The following NPRL2 variants were observed in gnomAD, a reference collection of about 807,000 sequenced individuals.
NPRL2 encodes the protein NPR2 like, GATOR1 complex subunit, also known as GATOR1 complex protein NPRL2.
Under a neutral mutation model 51.1 loss-of-function variants are expected in NPRL2, and 21 were observed. The ratio of observed to expected loss-of-function variants is 0.41; its 90% CI spans 0.29 to 0.59. The LOEUF is 0.59. NPRL2 is among the 20% of genes least tolerant of loss of function. The probability of loss-of-function intolerance (pLI) is 0.29; values close to 1 mark genes in which losing one functional copy is unlikely to be tolerated. For synonymous variants in NPRL2, 175 were observed against 187.8 expected, an observed-to-expected ratio of 0.93 and a Z score of 0.56; for missense variants, 376 against 483.4, an observed-to-expected ratio of 0.78 and a Z score of 2.08.
rs1323048757 is a variant in NPRL2 at position 50,348,203 on chromosome 3, A to G, written c.853T>C (p.Tyr285His). Residue 285 changes from tyrosine (Y) to histidine (H), a missense_variant, in exon 9 of 11, where the codon TAC (tyrosine) becomes CAC (histidine). Physicochemically the swap from Tyr to His is moderately conservative, Grantham distance 83 (BLOSUM62 2). Coordinates refer to ENST00000232501, the MANE Select transcript of NPRL2 (RefSeq NM_006545.5). The surrounding 1 kb of genome is among the most constrained non-coding windows in gnomAD (Gnocchi z 5.8). Reference sequence around the variant, plus strand: ...GTAGTGCCAGGGCTCAGGCTGCAGTATAGCTGGAACACATCCCGGAGACTG... The same window carrying G: ...GTAGTGCCAGGGCTCAGGCTGCAGTGTAGCTGGAACACATCCCGGAGACTG... ...RASLRDVFQL[Y>H]CSLSPGTTVR... The G allele has an allele frequency of 3.7e-6, 6 of 1,614,004 alleles. No individual in the cohort carries two copies. Among genetic ancestry groups the G allele is most frequent in the Admixed American group, 1.7e-5 (1 of 60,028 alleles).
In NPRL2 at chr3:50,350,713, C is replaced by T. The variant is rs1027706705; in HGVS notation, c.-61G>A. On this transcript the variant is annotated 5_prime_UTR_variant, in exon 1 of 11. Coordinates refer to ENST00000232501, the MANE Select transcript of NPRL2 (RefSeq NM_006545.5). The surrounding 1 kb of genome is among the most constrained non-coding windows in gnomAD (Gnocchi z 5.7). ...CCTCGCGCAGAGGCGTCCCCACCTC[C>T]TGTGAACACTTGTCAGAGACAGCCT... The T allele has an allele frequency of 2.6e-6, 4 of 1,549,432 alleles. No individual in the cohort carries two copies. The highest frequency in any genetic ancestry group is 3.9e-5 in the Admixed American group (2 of 51,536).
At position 50,347,501 on chromosome 3, in the gene NPRL2, G is replaced by C; in HGVS notation, c.*105C>G. On this transcript the variant is annotated 3_prime_UTR_variant, in exon 11 of 11. Transcript: ENST00000232501. ...CACTCAATAAAGGCTGTTTGAAATG[G>C]ATGTCTTTATTTACAGAACTAAGAG... The C allele has an allele frequency of 2.1e-6, 3 of 1,420,806 alleles. No homozygotes were observed. Among genetic ancestry groups the C allele is most frequent in the Non-Finnish European group, 3.0e-6 (3 of 1,011,224 alleles). The allele number at this position is 1,420,806 out of a possible 1,614,324, so 88.0% of individuals were successfully genotyped here.
Position 50,347,546 on chromosome 3 carries a change from AC to A in NPRL2, c.*59del, listed in dbSNP as rs34963734. 0.04 allele frequency: 64,567 copies of A among 1,596,450 alleles called. 12,239 individuals are homozygous for A. In the East Asian group the frequency reaches 0.54, roughly 13 times the overall value. ...TAAGAGTCAACCTCTAGACAGTATG[AC>A]AAGCCTCCTAGTAGGAGGGACTACC... On this transcript the variant is annotated 3_prime_UTR_variant, in exon 11 of 11. Transcript: ENST00000232501.
rs760049174 is a variant in NPRL2, at chr3:50,347,667, C to T, written c.1082G>A (p.Ser361Asn). The change falls in exon 11 of 11, where the codon AGC becomes AAC. Residue 361 changes from serine to asparagine, a missense_variant. Ser to Asn is a conservative substitution (Grantham distance 46). Coordinates refer to ENST00000232501, the MANE Select transcript of NPRL2 (RefSeq NM_006545.5). ...AAGCCGCTCATCCAGCTCATGGTAG[C>T]TCATGCCTGGGTGGGGTGGTGGAGG... ...YDEICCKTGM[S>N]YHELDERLEN... The T allele has an allele frequency of 4.7e-5, 76 of 1,613,978 alleles. No individual in the cohort carries two copies. Among genetic ancestry groups the T allele is most frequent in the Non-Finnish European group, 5.9e-5 (70 of 1,180,056 alleles).
At chr3:50,347,992 T>C in intron 9 of NPRL2, 91 bp from the exon 10 acceptor site, 1 of 1,599,540 alleles carries the variant, frequency 6.3e-7, no homozygotes, top group Non-Finnish European at 8.5e-7. Context: ...TTCAATTTTG[T>C]CTCTGTAGCC....
In NPRL2 at chr3:50,349,727, C is replaced by A; in HGVS notation, c.277G>T (p.Ala93Ser). Residue 93 changes from alanine (A) to serine (S), a missense_variant, in exon 3 of 11, where the codon GCC becomes TCC. By Grantham distance (99) the Ala-to-Ser change is moderately conservative. Coordinates refer to ENST00000232501, the MANE Select transcript of NPRL2 (RefSeq NM_006545.5). The surrounding 1 kb of genome is among the most constrained non-coding windows in gnomAD (Gnocchi z 4.6). ...ATGGGCTCGAGGGCGCAGGTCTTGG[C>A]CTGGGCATCACACACGAAGCCCAGG... is the stretch of plus-strand genomic sequence containing the variant. ...FNLGFVCDAQAKTCALEPIVK... is the reference protein window; with the variant it reads ...FNLGFVCDAQSKTCALEPIVK... 1 of 1,613,942 alleles carries A rather than the reference C, an allele frequency of 6.2e-7. No individual in the cohort carries two copies. The highest frequency in any genetic ancestry group is 8.5e-7 in the Non-Finnish European group (1 of 1,179,982).
rs938208371 is a variant in NPRL2, at chr3:50,349,529, C to T, written c.340-35G>A. 1 of 1,612,766 alleles carries T rather than the reference C, an allele frequency of 6.2e-7. No homozygotes were observed. Among genetic ancestry groups the T allele is most frequent in the Non-Finnish European group, 8.5e-7 (1 of 1,179,040 alleles). On this transcript the variant is annotated intron_variant, in intron 3 of 10. Coordinates refer to ENST00000232501, the MANE Select transcript of NPRL2 (RefSeq NM_006545.5). The surrounding 1 kb of genome is among the most constrained non-coding windows in gnomAD (Gnocchi z 4.6). ...GCATGGAAAGCATGGTGGGCACATC[C>T]CAGGACCCCTGGCTGGTTGGCTGCC...
Position 50,348,704 on chromosome 3 carries a change from T to C in NPRL2, c.664A>G (p.Ile222Val). The change falls in exon 6 of 11, where the codon ATT becomes GTT. Residue 222 changes from isoleucine (I) to valine (V), a missense_variant. Ile to Val is a conservative substitution (Grantham distance 29). Coordinates refer to ENST00000232501, the MANE Select transcript of NPRL2 (RefSeq NM_006545.5). The surrounding 1 kb of genome is among the most constrained non-coding windows in gnomAD (Gnocchi z 5.8). The part of the protein sequence containing the change: ...EADVELNLVR[I>V]AIQNLLYYGV... Reference sequence around the variant, plus strand: ...ACTCACAGCAGGTTCTGGATAGCAATGCGCACCAGGTTGAGCTCCACATCT... The same window carrying C: ...ACTCACAGCAGGTTCTGGATAGCAACGCGCACCAGGTTGAGCTCCACATCT... The C allele has an allele frequency of 6.2e-7, 1 of 1,614,012 alleles. No homozygotes were observed.
Position 50,347,397 on chromosome 3 carries a change from C to T in NPRL2, c.*209G>A. Reference sequence around the variant, plus strand: ...TTTTATTTGTCGATTGTCGGTCCTGCCCACCAGATGGCGATCTAGCCCACG... The same window carrying T: ...TTTTATTTGTCGATTGTCGGTCCTGTCCACCAGATGGCGATCTAGCCCACG... On this transcript the variant is annotated 3_prime_UTR_variant, in exon 11 of 11. Transcript: ENST00000232501. 1 of 385,214 alleles carries T rather than the reference C, an allele frequency of 2.6e-6. No individual in the cohort carries two copies. 23.9% of individuals were successfully genotyped at this position (385,214 alleles called of 1,614,324 possible).
Position 50,350,664 on chromosome 3 carries a change from G to A in NPRL2, c.-12C>T, listed in dbSNP as rs891226161. ...CAGCCGCTGCCCATGGCAATAACCG[G>A]GCCCAGGCCCGTAGCTCCTCGTTCC... On this transcript the variant is annotated 5_prime_UTR_variant, in exon 1 of 11. Transcript: ENST00000232501. The surrounding 1 kb of genome is among the most constrained non-coding windows in gnomAD (Gnocchi z 5.7). 1.9e-6 allele frequency: 3 copies of A among 1,598,444 alleles called. No individual in the cohort carries two copies. Among genetic ancestry groups the A allele is most frequent in the Admixed American group, 1.7e-5 (1 of 58,490 alleles).
In NPRL2 at chr3:50,349,232, A is replaced by G; in HGVS notation, c.448+154T>C. Reference sequence around the variant, plus strand: ...TCCCCCTACCCCCAGTCCCAGCTCCATCATGCATTGGACCCTGGACATGGG... The same window carrying G: ...TCCCCCTACCCCCAGTCCCAGCTCCGTCATGCATTGGACCCTGGACATGGG... On this transcript the variant is annotated intron_variant, in intron 4 of 10. Coordinates refer to ENST00000232501, the MANE Select transcript of NPRL2 (RefSeq NM_006545.5). The surrounding 1 kb of genome is among the most constrained non-coding windows in gnomAD (Gnocchi z 4.6). 3.6e-6 allele frequency: 3 copies of G among 833,736 alleles called. No homozygotes were observed. The highest frequency in any genetic ancestry group is 5.7e-6 in the Non-Finnish European group (3 of 526,244). 51.6% of individuals were successfully genotyped at this position (833,736 alleles called of 1,614,324 possible).
Position 50,349,408 on chromosome 3 carries a change from T to C in NPRL2, c.426A>G (p.Ser142=). 1 of 1,613,632 alleles carries C rather than the reference T, an allele frequency of 6.2e-7. No individual in the cohort carries two copies. The highest frequency in any genetic ancestry group is 1.1e-5 in the South Asian group (1 of 91,084). The change falls in exon 4 of 11, where the codon TCA becomes TCG. Residue 142 remains serine (S), a synonymous_variant. Coordinates refer to ENST00000232501, the MANE Select transcript of NPRL2 (RefSeq NM_006545.5). The surrounding 1 kb of genome is among the most constrained non-coding windows in gnomAD (Gnocchi z 4.6). The part of the protein sequence containing the change: ...MTILLEELNA[S]GRCTLPIDES... ...TACCAATGGGCAGAGTGCACCGGCC[T>C]GAGGCATTTAGCTCCTCCAGCAAGA...
chr3:50,347,852 T>C lies in NPRL2; in HGVS notation c.982A>G (p.Lys328Glu). ...TCCCGAGTCACCCGCACAGGATACT[T>C]CTGTAGTCGCCTGATGAGGTTCTTC... ...LMKNLIRRLQ[K>E]YPVRVTREEQ... is the part of the protein sequence containing the mutation. The change falls in exon 10 of 11, where the codon AAG becomes GAG. Residue 328 changes from lysine to glutamate, a missense_variant. Transcript: ENST00000232501. 1 of 1,614,042 alleles carries C rather than the reference T, an allele frequency of 6.2e-7. No individual in the cohort carries two copies. The highest frequency in any genetic ancestry group is 1.3e-5 in the African/African-American group (1 of 75,050).
Position 50,350,127 on chromosome 3 carries a change from G to A in NPRL2, c.79-105C>T. ...CCAAGCCCAAGTCCTCTTCTCCAGCGTTCCCCTCTCTCCCATCCACTCAGG... is the reference window on the plus strand; with the variant it reads ...CCAAGCCCAAGTCCTCTTCTCCAGCATTCCCCTCTCTCCCATCCACTCAGG... On this transcript the variant is annotated intron_variant, in intron 1 of 10. Transcript: ENST00000232501. The surrounding 1 kb of genome is among the most constrained non-coding windows in gnomAD (Gnocchi z 5.7). 3 of 881,044 alleles carry A rather than the reference G, an allele frequency of 3.4e-6. No individual in the cohort carries two copies. The highest frequency in any genetic ancestry group is 2.9e-5 in the South Asian group (2 of 68,082). 54.6% of individuals were successfully genotyped at this position (881,044 alleles called of 1,614,324 possible). A position where few individuals can be genotyped will look rare whatever the true frequency, so the allele number is the denominator to read the frequency against.
chr3:50,347,709 G>A (rs376826894), intron 10 of NPRL2, 36 bp from the exon 11 acceptor site: 1 of 1,613,936 alleles, frequency 6.2e-7, no homozygotes, highest in African/African-American at 1.3e-5. Flanking sequence ...CAGTGGCCTT[G>A]GCCTGGCCAC....
chr3:50,347,926 G>A, intron 9 of NPRL2, 25 bp from the exon 10 acceptor site: 1 of 1,613,024 alleles, frequency 6.2e-7, no homozygotes, highest in African/African-American at 1.3e-5. Context: ...AGAGGACGGG[G>A]TGACGCCCTG....
chr3:50,348,432 A>T lies in NPRL2; in HGVS notation c.721-22T>A. The T allele has an allele frequency of 6.2e-7, 1 of 1,613,350 alleles. No individual in the cohort carries two copies. The highest frequency in any genetic ancestry group is 8.5e-7 in the Non-Finnish European group (1 of 1,179,478). ...AGTACTAGAGGGTAGCAGAAGGCAT[A>T]GGGGCCTGAGTGAGGGGCTTGGGAA... is the stretch of plus-strand genomic sequence containing the variant. On this transcript the variant is annotated intron_variant, in intron 7 of 10. Coordinates refer to ENST00000232501, the MANE Select transcript of NPRL2 (RefSeq NM_006545.5). This position sits in a 1 kb window ranked among gnomAD's most constrained non-coding sequence, Gnocchi z 5.8.
Position 50,347,566 on chromosome 3 carries a change from G to C in NPRL2, c.*40C>G. 6.2e-7 allele frequency: 1 copy of C among 1,611,484 alleles called. No homozygotes were observed. Among genetic ancestry groups the C allele is most frequent in the Non-Finnish European group, 8.5e-7 (1 of 1,177,888 alleles). ...GTATGACAAGCCTCCTAGTAGGAGGGACTACCCACAGCAATGTGTCCATCC... is the reference window on the plus strand; with the variant it reads ...GTATGACAAGCCTCCTAGTAGGAGGCACTACCCACAGCAATGTGTCCATCC... On this transcript the variant is annotated 3_prime_UTR_variant, in exon 11 of 11. Transcript: ENST00000232501.
In NPRL2 at chr3:50,348,997, G is replaced by A; in HGVS notation, c.462C>T (p.Thr154=). Reference sequence around the variant, plus strand: ...GCTGCTCAATCACCTTCAAGTGGATGGTGTTGGACTCATCTGCAGGGGGCC... The same window carrying A: ...GCTGCTCAATCACCTTCAAGTGGATAGTGTTGGACTCATCTGCAGGGGGCC... ...RCTLPIDESN[T]IHLKVIEQRP... Residue 154 remains threonine, a synonymous_variant, in exon 5 of 11, where the codon ACC becomes ACT. Transcript: ENST00000232501. The surrounding 1 kb of genome is among the most constrained non-coding windows in gnomAD (Gnocchi z 5.8). 1 of 1,613,838 alleles carries A rather than the reference G, an allele frequency of 6.2e-7. No homozygotes were observed. The highest frequency in any genetic ancestry group is 8.5e-7 in the Non-Finnish European group (1 of 1,179,954).
Sources: gnomAD v4.1 joint callset for allele counts on GRCh38, gnomAD v4.1.1 for gene constraint, Gnocchi (gnomAD v3.1) non-coding constraint, MANE v1.5 for transcripts, NCBI Gene and HGNC (gene_info 2026-07-23, HGNC 2026-07-21) for gene names.